MYH9: variants seen among roughly 807,000 people sequenced by gnomAD.
MYH9 encodes myosin heavy chain 9.
A neutral mutation model predicts 241.9 loss-of-function variants in MYH9; 29 were observed. That is an observed-to-expected ratio of 0.12 (90% CI 0.09 to 0.16). The LOEUF (loss-of-function observed/expected upper bound fraction) is 0.16. MYH9 is among the 10% of genes least tolerant of loss of function. The probability of loss-of-function intolerance (pLI) is 1.00; values close to 1 mark genes in which losing one functional copy is unlikely to be tolerated. For missense variants in MYH9, 1,803 were observed against 2,595.5 expected, an observed-to-expected ratio of 0.69 and a Z score of 6.63; for synonymous variants, 1,047 against 1,062.6, an observed-to-expected ratio of 0.99 and a Z score of 0.29.
At position 36,386,708 on chromosome 22, in the gene MYH9, G is replaced by GC. The variant is rs1207020881; in HGVS notation, c.-20+1098dup. Among the ~76,000 whole-genome samples the GC allele has an allele frequency of 3.3e-5, 5 of 152,036 alleles. No homozygotes were observed. In the East Asian group the frequency reaches 7.8e-4, roughly 24 times the overall value. ...CTGGGTGGGGCCGTGCGCTCACCCT[G>GC]CCCCCCACCACAGGACAGCCGGCAA... is the stretch of plus-strand genomic sequence containing the variant. On this transcript the variant is annotated intron_variant, in intron 1 of 40. Transcript: ENST00000216181.
At chr22:36,356,164 G>GT (rs1212504594) in intron 1 of MYH9, among the ~76,000 whole-genome samples, 1 of 152,120 alleles carries the variant, frequency 6.6e-6, no homozygotes, top group Non-Finnish European at 1.5e-5. Flanking sequence ...CCCTCTGTTT[G>GT]TTTTTTTCCA....
At chr22:36,380,160 C>T (rs1445484100) in intron 1 of MYH9, among the ~76,000 whole-genome samples, 1 of 152,170 alleles carries the variant, frequency 6.6e-6, no homozygotes, top group Non-Finnish European at 1.5e-5. Context: ...GACCTCAGGA[C>T]CCTGATGGGG....
chr22:36,380,279 G>C (rs561835686), intron 1 of MYH9, among the ~76,000 whole-genome samples: 136 of 152,318 alleles, frequency 8.9e-4, no homozygotes, highest in East Asian at 4.2e-3. Flanking sequence ...CCTTGAGAAG[G>C]GGGGTAGGGC....
rs1267666166 is a variant in MYH9 at position 36,288,890 on chromosome 22, T to C, written c.4607A>G (p.Glu1536Gly). Residue 1536 changes from glutamate to glycine, a missense_variant, in exon 33 of 41, where the codon GAG (glutamate) becomes GGG (glycine). Physicochemically the swap from Glu to Gly is moderately conservative, Grantham distance 98. Coordinates refer to ENST00000216181, the MANE Select transcript of MYH9 (RefSeq NM_002473.6). This position sits in a 1 kb window ranked among gnomAD's most constrained non-coding sequence, Gnocchi z 4.8. ...SKRALEQQVEEMKTQLEELED... is the reference protein window; with the variant it reads ...SKRALEQQVEGMKTQLEELED... ...CAGCTCTTCCAGCTGCGTCTTCATC[T>C]CCTCCACCTGCTGCTCTAGGGCCCG... 1 of 1,614,040 alleles carries C rather than the reference T, an allele frequency of 6.2e-7. No homozygotes were observed. The highest frequency in any genetic ancestry group is 2.2e-5 in the East Asian group (1 of 44,878).
At chr22:36,337,106 T>G (rs1402237211) in intron 3 of MYH9, among the ~76,000 whole-genome samples, 2 of 151,510 alleles carry the variant, frequency 1.3e-5, no homozygotes, top group Non-Finnish European at 2.9e-5. Flanking sequence ...ACACTCAAAG[T>G]AAAACTAATC....
intron 1 of MYH9, among the ~76,000 whole-genome samples, chr22:36,374,415 G>A (rs963917204): frequency 2.6e-5 from 4 of 152,244 alleles, no homozygotes; most frequent in African/African-American, 9.6e-5. Context: ...GGCTACTCGG[G>A]AGGCTGAGGC....
At chr22:36,303,281 C>T (rs963349689) in intron 19 of MYH9, among the ~76,000 whole-genome samples, 1 of 151,958 alleles carries the variant, frequency 6.6e-6, no homozygotes, top group Admixed American at 6.6e-5. Flanking sequence ...GCAGGGGAGC[C>T]GTCATTCCCC....
chr22:36,348,839 C>G, intron 2 of MYH9, 65 bp downstream of exon 2: 4 of 736,804 alleles, frequency 5.4e-6, no homozygotes, highest in Non-Finnish European at 5.9e-6. Flanking sequence ...ATGGGAAGAC[C>G]CGCCCCCCCC....
intron 9 of MYH9, chr22:36,319,876 T>G (rs1228881355): frequency 1.6e-6 from 1 of 625,024 alleles, no homozygotes; most frequent in East Asian, 2.8e-5. Flanking sequence ...ATGCTGGGCT[T>G]CACCAGCACA....
intron 21 of MYH9, 55 bp from the exon 22 acceptor site, chr22:36,301,112 A>G (rs1359094919): frequency 1.3e-6 from 2 of 1,533,700 alleles, no homozygotes; most frequent in Non-Finnish European, 1.8e-6. Flanking sequence ...AAGCCACTCC[A>G]TCCTCAAGGA....
intron 3 of MYH9, among the ~76,000 whole-genome samples, chr22:36,333,533 T>C (rs1218412412): frequency 1.3e-5 from 2 of 151,956 alleles, no homozygotes; most frequent in African/African-American, 4.8e-5. Flanking sequence ...GTCTCAAGAG[T>C]TTATGGAGTT....
intron 1 of MYH9, 119 bp from the exon 2 acceptor site, chr22:36,349,374 A>C: frequency 1.3e-6 from 1 of 776,032 alleles, no homozygotes; most frequent in Non-Finnish European, 2.1e-6. Context: ...GTAAAACTCT[A>C]TATAACCAGG....
chr22:36,353,529 T>A (rs1244875976), intron 1 of MYH9, among the ~76,000 whole-genome samples: 1 of 151,932 alleles, frequency 6.6e-6, no homozygotes, highest in Non-Finnish European at 1.5e-5. Context: ...GCCGGCTAAT[T>A]TTTGTATTTT....
chr22:36,301,201 TC>T, intron 21 of MYH9, 144 bp from the exon 22 acceptor site: 1 of 834,962 alleles, frequency 1.2e-6, no homozygotes, highest in Non-Finnish European at 2.0e-6. Flanking sequence ...CTCTGAAGCT[TC>T]CAGGTACCTT....
rs5756151 is a variant in MYH9, at chr22:36,316,369, C to G, written c.1380+148G>C. 0.62 allele frequency: 652,719 copies of G among 1,053,042 alleles called. 211,023 individuals carry two copies. Among genetic ancestry groups the G allele is most frequent in the Non-Finnish European group, 0.69 (492,451 of 717,774 alleles). The allele number at this position is 1,053,042 out of a possible 1,614,324, so 65.2% of individuals were successfully genotyped here. On this transcript the variant is annotated intron_variant, in intron 12 of 40. Coordinates refer to ENST00000216181, the MANE Select transcript of MYH9 (RefSeq NM_002473.6). ...CTTTTAAAAAAGAAAAAAAAAAAAACAACCCCACACCCAACCAAAGTCTTC... is the reference window on the plus strand; with the variant it reads ...CTTTTAAAAAAGAAAAAAAAAAAAAGAACCCCACACCCAACCAAAGTCTTC...
chr22:36,346,932 C>T (rs1169248945), intron 2 of MYH9, among the ~76,000 whole-genome samples: 1 of 152,106 alleles, frequency 6.6e-6, no homozygotes, highest in Non-Finnish European at 1.5e-5. Context: ...TGGCTTTTTT[C>T]CACTAGGTCA....
intron 1 of MYH9, among the ~76,000 whole-genome samples, chr22:36,374,477 G>A (rs1320981194): frequency 6.6e-6 from 1 of 152,212 alleles, no homozygotes; most frequent in East Asian, 1.9e-4. Flanking sequence ...CCAAGATTGT[G>A]ACAGTACACT....
intron 21 of MYH9, 68 bp downstream of exon 21, chr22:36,301,466 C>A: frequency 6.2e-7 from 1 of 1,603,858 alleles, no homozygotes. Context: ...GCCGTGCCTA[C>A]CGATGGCCAG....
Position 36,285,612 on chromosome 22 carries a change from G to A in MYH9, c.5274+46C>T. On this transcript the variant is annotated intron_variant, in intron 37 of 40. Transcript: ENST00000216181. The surrounding 1 kb of genome is among the most constrained non-coding windows in gnomAD (Gnocchi z 7.0). ...CTGGGTCCAAGGCCAGCTCTGCCGTGGTGGCTCCAGCCAGAGCCCAGAGTG... is the reference window on the plus strand; with the variant it reads ...CTGGGTCCAAGGCCAGCTCTGCCGTAGTGGCTCCAGCCAGAGCCCAGAGTG... The A allele has an allele frequency of 1.9e-6, 3 of 1,609,934 alleles. No homozygotes were observed. Among genetic ancestry groups the A allele is most frequent in the Admixed American group, 1.7e-5 (1 of 59,978 alleles).
Sources: gnomAD v4.1 joint callset for allele counts (sites outside exome capture counted in the v4.1 genomes callset) on GRCh38, gnomAD v4.1.1 for gene constraint, Gnocchi (gnomAD v3.1) non-coding constraint, MANE v1.5 for transcripts, NCBI Gene and HGNC (gene_info 2026-07-23, HGNC 2026-07-21) for gene names.